The following GTF2IRD1 variants were observed in gnomAD, a reference collection of about 807,000 sequenced individuals.
GTF2IRD1 encodes general transcription factor II-I repeat domain-containing protein 1.
GTF2IRD1 carries 26 observed loss-of-function variants against 113.2 expected under a neutral mutation model. The observed-to-expected ratio is 0.23, with a 90% confidence interval of 0.17 to 0.32. GTF2IRD1 has a LOEUF of 0.32. GTF2IRD1 is among the 10% of genes least tolerant of loss of function. The pLI, the probability that GTF2IRD1 is intolerant of heterozygous loss-of-function variation, is 1.00. For synonymous variants in GTF2IRD1, 484 were observed against 529.1 expected (o/e 0.91, Z 1.17); for missense variants, 864 against 1,280.8 (o/e 0.67, Z 4.97).
At chr7:74,468,581 C>A (rs1444406380) in intron 1 of GTF2IRD1, among the ~76,000 whole-genome samples, 1 of 150,616 alleles carries the variant, frequency 6.6e-6, no homozygotes, top group South Asian at 2.1e-4. Flanking sequence ...ATCACTTGAA[C>A]CTCGGAGGCA....
intron 25 of GTF2IRD1, chr7:74,600,814 G>C: frequency 1.7e-6 from 1 of 594,700 alleles, no homozygotes; most frequent in Non-Finnish European, 3.0e-6. Context: ...AGGCAGGCAG[G>C]CCAGCAAGAG....
intron 22 of GTF2IRD1, among the ~76,000 whole-genome samples, chr7:74,572,215 C>T (rs1800736499): frequency 6.6e-6 from 1 of 152,126 alleles, no homozygotes; most frequent in African/African-American, 2.4e-5. Context: ...CTGGGGTGGA[C>T]ATGGGGAGGG....
intron 9 of GTF2IRD1, among the ~76,000 whole-genome samples, chr7:74,531,681 A>G (rs969417221): frequency 3.3e-5 from 5 of 151,878 alleles, no homozygotes; most frequent in African/African-American, 4.8e-5. Context: ...CTAGGAGTTC[A>G]AGACCAGCCT....
Position 74,555,199 on chromosome 7 carries a change from A to G in GTF2IRD1, c.1942A>G (p.Lys648Glu), listed in dbSNP as rs782673656. 1.9e-6 allele frequency: 3 copies of G among 1,613,638 alleles called. No homozygotes were observed. Among genetic ancestry groups the G allele is most frequent in the South Asian group, 2.2e-5 (2 of 91,024 alleles). ...KRPELLTEGV[K>E]EPIMDSQERD... ...GCCCGAGCTGCTCACTGAGGGAGTC[A>G]AAGAGCCCATCATGGATAGTCAAGG... The change falls in exon 18 of 27, where the codon AAA becomes GAA. Residue 648 changes from lysine to glutamate, a missense_variant. Physicochemically the swap from Lys to Glu is moderately conservative, Grantham distance 56 (BLOSUM62 1). This residue lies in a region of GTF2IRD1 where 195 missense variants were observed against 359.1 expected (regional missense o/e 0.54). Coordinates refer to ENST00000424337, the MANE Select transcript of GTF2IRD1 (RefSeq NM_005685.4). This position sits in a 1 kb window ranked among gnomAD's most constrained non-coding sequence, Gnocchi z 5.3.
chr7:74,545,740 C>T lies in GTF2IRD1; in HGVS notation c.1667-4C>T, dbSNP rs1554353079. 1.2e-6 allele frequency: 2 copies of T among 1,611,772 alleles called. No individual in the cohort carries two copies. Among genetic ancestry groups the T allele is most frequent in the Admixed American group, 3.3e-5 (2 of 60,006 alleles). On this transcript the variant is annotated splice_region_variant and splice_polypyrimidine_tract_variant and intron_variant, in intron 15 of 26. Coordinates refer to ENST00000424337, the MANE Select transcript of GTF2IRD1 (RefSeq NM_005685.4). ...GCCTCAACAGACTGCCTTTTGCCTT[C>T]CAGACAGCCACGGTGACGTGATCCG...
At chr7:74,481,583 C>T (rs1447453809) in intron 1 of GTF2IRD1, among the ~76,000 whole-genome samples, 1 of 152,122 alleles carries the variant, frequency 6.6e-6, no homozygotes, top group Admixed American at 6.5e-5. Flanking sequence ...TGGATCCCAC[C>T]CTGAGATGCA....
chr7:74,567,739 A>G (rs1800409371), intron 22 of GTF2IRD1, among the ~76,000 whole-genome samples: 1 of 151,896 alleles, frequency 6.6e-6, no homozygotes, highest in African/African-American at 2.4e-5. Context: ...AGGGCAGGAG[A>G]GAATGAACAA....
Position 74,601,171 on chromosome 7 carries a change from C to A in GTF2IRD1, c.2757C>A (p.Ile919=). The A allele has an allele frequency of 1.3e-6, 2 of 1,591,218 alleles. No individual in the cohort carries two copies. The highest frequency in any genetic ancestry group is 1.1e-5 in the South Asian group (1 of 88,414). The change falls in exon 26 of 27, where the codon ATC becomes ATA. Residue 919 remains isoleucine (I), a synonymous_variant. Coordinates refer to ENST00000424337, the MANE Select transcript of GTF2IRD1 (RefSeq NM_005685.4). Reference sequence around the variant, plus strand: ...ATTCAGTGGCATCGGCCAACCAGATCTCACTCGTGGTAAAGTTGCACCGAT... The same window carrying A: ...ATTCAGTGGCATCGGCCAACCAGATATCACTCGTGGTAAAGTTGCACCGAT... The part of the protein sequence containing the change: ...NPDSVASANQ[I]SLVQWPMYMV...
At chr7:74,523,360 C>T (rs1554346423) in intron 7 of GTF2IRD1, among the ~76,000 whole-genome samples, 1 of 152,206 alleles carries the variant, frequency 6.6e-6, no homozygotes, top group Non-Finnish European at 1.5e-5. Flanking sequence ...CACTGCAGTC[C>T]AGCCTGGGCA....
rs782332732 is a variant in GTF2IRD1 at position 74,518,345 on chromosome 7, G to A, written c.605+23G>A. 5 of 1,555,684 alleles carry A rather than the reference G, an allele frequency of 3.2e-6. No individual in the cohort carries two copies. In the African/African-American group the frequency reaches 6.8e-5, roughly 21 times the overall value. On this transcript the variant is annotated intron_variant, in intron 5 of 26. Coordinates refer to ENST00000424337, the MANE Select transcript of GTF2IRD1 (RefSeq NM_005685.4). ...GAGGTGAGTGAGGTAGCCGGCCCGG[G>A]GCTGGGCTGGGGCTGGGCCAGGGCC...
At chr7:74,499,633 C>CATGCACACACCAAGGAATGAATGA (rs1487965270) in intron 1 of GTF2IRD1, among the ~76,000 whole-genome samples, 53 of 150,606 alleles carry the variant, frequency 3.5e-4, no homozygotes, top group African/African-American at 1.2e-3. Context: ...CAAAGGAATG[C>CATGCACACACCAAGGAATGAATGA]ATGCACACAC....
At chr7:74,511,381 A>G (rs3757590) in intron 2 of GTF2IRD1, among the ~76,000 whole-genome samples, 15,582 of 152,158 alleles carry the variant, frequency 0.1, 1,960 homozygotes, top group East Asian at 0.39. Flanking sequence ...GTTTTCTGCC[A>G]TGGTCTCGGC....
chr7:74,529,237 T>C (rs1287057736), intron 8 of GTF2IRD1, among the ~76,000 whole-genome samples: 2 of 152,010 alleles, frequency 1.3e-5, no homozygotes, highest in Non-Finnish European at 2.9e-5. Flanking sequence ...CCAAATGAGA[T>C]GGGAGCCACT....
intron 22 of GTF2IRD1, among the ~76,000 whole-genome samples, chr7:74,582,221 C>T (rs1801458677): frequency 6.6e-6 from 1 of 152,194 alleles, no homozygotes; most frequent in Admixed American, 6.5e-5. Flanking sequence ...CTTTCCCCTG[C>T]AGGGCACGGC....
At chr7:74,529,432 T>C (rs1426912892) in intron 8 of GTF2IRD1, among the ~76,000 whole-genome samples, 2 of 151,830 alleles carry the variant, frequency 1.3e-5, no homozygotes, top group Non-Finnish European at 2.9e-5. Context: ...TGTATTTTAC[T>C]TTCTGCAGAG....
chr7:74,549,081 G>A (rs1299323572), intron 17 of GTF2IRD1, among the ~76,000 whole-genome samples: 1 of 151,842 alleles, frequency 6.6e-6, no homozygotes, highest in African/African-American at 2.4e-5. Context: ...CTTGAGGTCA[G>A]GAGTTCGAGA....
At chr7:74,506,009 T>G (rs1265967226) in intron 1 of GTF2IRD1, 2 of 152,176 alleles carry the variant, frequency 1.3e-5, no homozygotes, top group Non-Finnish European at 2.9e-5. Flanking sequence ...AGCAGCAAAC[T>G]CAACATACAT....
chr7:74,542,710 G>C (rs1276368352), intron 14 of GTF2IRD1, among the ~76,000 whole-genome samples: 14 of 152,268 alleles, frequency 9.2e-5, no homozygotes, highest in African/African-American at 3.4e-4. Context: ...TTGACGCCAA[G>C]CTCAGGCTGA....
chr7:74,552,204 G>A (rs1799348877), intron 17 of GTF2IRD1, among the ~76,000 whole-genome samples: 1 of 152,088 alleles, frequency 6.6e-6, no homozygotes, highest in African/African-American at 2.4e-5. Flanking sequence ...AGGCAACATG[G>A]TGAGACCCTA....
Sources: gnomAD v4.1 joint callset for allele counts (sites outside exome capture counted in the v4.1 genomes callset) on GRCh38, gnomAD v4.1.1 for gene constraint, gnomAD v4.1.1 regional missense constraint, Gnocchi (gnomAD v3.1) non-coding constraint, MANE v1.5 for transcripts, NCBI Gene and HGNC (gene_info 2026-07-23, HGNC 2026-07-21) for gene names.